The following PFKM variants were observed in gnomAD, a reference collection of about 807,000 sequenced individuals.
The protein encoded by PFKM is ATP-dependent 6-phosphofructokinase, muscle type.
PFKM carries 58 observed loss-of-function variants against 95.5 expected under a neutral mutation model. The observed-to-expected ratio is 0.61, with a 90% CI of 0.49 to 0.76. PFKM has a LOEUF of 0.76. Ranked by LOEUF, PFKM falls within the 30% of genes least tolerant of loss-of-function variation. The probability of loss-of-function intolerance (pLI) is 0.00; values close to 1 mark genes in which losing one functional copy is unlikely to be tolerated. For synonymous variants in PFKM, 336 were observed against 357.2 expected, an observed-to-expected ratio of 0.94 and a Z score of 0.67; for missense variants, 678 against 1,005.4, an observed-to-expected ratio of 0.67 and a Z score of 4.40.
intron 2 of PFKM, among the ~76,000 whole-genome samples, chr12:48,128,810 A>AT (rs1949116590): frequency 6.6e-6 from 1 of 152,186 alleles, no homozygotes; most frequent in South Asian, 2.1e-4. Context: ...ACATGAACAG[A>AT]TTTTAGATTA....
intron 14 of PFKM, 125 bp from the exon 15 acceptor site, chr12:48,141,186 C>G (rs1196323455): frequency 2.2e-6 from 2 of 895,134 alleles, no homozygotes; most frequent in Non-Finnish European, 3.8e-6. Flanking sequence ...AAGCTAATAC[C>G]TGGTGTACCT....
At chr12:48,138,098 A>G (rs932419894) in intron 11 of PFKM, among the ~76,000 whole-genome samples, 1 of 152,214 alleles carries the variant, frequency 6.6e-6, no homozygotes, top group Non-Finnish European at 1.5e-5. Flanking sequence ...AATGAAACCC[A>G]GTATCTCATA....
chr12:48,133,807 A>G (rs567663907), intron 6 of PFKM, among the ~76,000 whole-genome samples: 8 of 152,204 alleles, frequency 5.3e-5, no homozygotes, highest in Non-Finnish European at 8.8e-5. Context: ...TTCCAACCAT[A>G]TCATAGAAAG....
upstream of PFKM, chr12:48,105,381 G>C (rs780346614): frequency 5.8e-6 from 3 of 518,896 alleles, no homozygotes; most frequent in Admixed American, 1.9e-5. Context: ...CACCAAGAAA[G>C]AGACGGTTCA....
chr12:48,128,211 C>A (rs1949048682), intron 2 of PFKM, among the ~76,000 whole-genome samples: 1 of 152,136 alleles, frequency 6.6e-6, no homozygotes, highest in Admixed American at 6.6e-5. Context: ...TCTCTGACTT[C>A]CTTCTGGCAG....
chr12:48,142,593 G>T (rs1362920088), intron 17 of PFKM, among the ~76,000 whole-genome samples, 189 bp from the exon 18 acceptor site: 3 of 152,020 alleles, frequency 2.0e-5, no homozygotes, highest in Non-Finnish European at 4.4e-5. Flanking sequence ...TTCTTCCCAG[G>T]AGAGACGTTC....
intron 3 of PFKM, among the ~76,000 whole-genome samples, chr12:48,110,739 G>C (rs188640899): frequency 2.6e-4 from 40 of 152,136 alleles, no homozygotes; most frequent in African/African-American, 8.4e-4. Context: ...TTTCTTTCTT[G>C]TCTCTTACCT....
At chr12:48,113,521 T>C (rs1240225166) in intron 3 of PFKM, among the ~76,000 whole-genome samples, 1 of 152,156 alleles carries the variant, frequency 6.6e-6, no homozygotes, top group Non-Finnish European at 1.5e-5. Context: ...CCCGCACAGA[T>C]GGGACATGGC....
intron 4 of PFKM, 29 bp downstream of exon 4, chr12:48,131,422 A>T (rs952099491): frequency 6.6e-7 from 1 of 1,506,900 alleles, no homozygotes; most frequent in South Asian, 1.1e-5. Flanking sequence ...CCTGTCCCAT[A>T]TTTGCTCTGT....
chr12:48,145,767 G>A lies in PFKM; in HGVS notation c.*59G>A. The A allele has an allele frequency of 6.5e-7, 1 of 1,541,684 alleles. No homozygotes were observed. The highest frequency in any genetic ancestry group is 1.4e-5 in the African/African-American group (1 of 73,812). ...TCATGGTCAGCTCACACCCTAATAA[G>A]TCCACATCTTCTCAGTGTTTTAGCT... On this transcript the variant is annotated 3_prime_UTR_variant, in exon 23 of 23. Transcript: ENST00000359794. The surrounding 1 kb of genome is among the most constrained non-coding windows in gnomAD (Gnocchi z 4.3).
rs2135907037 is a variant in PFKM, at chr12:48,134,244, A to G, written c.606A>G (p.Thr202=). The change falls in exon 7 of 23, where the codon ACA becomes ACG. Residue 202 remains threonine, a synonymous_variant. Transcript: ENST00000359794. ...CTATCTCTTGCAGCCACCAGAGGAC[A>G]TTTGTGTTAGAAGTAATGGGCCGCC... ...ITTTAQSHQR[T]FVLEVMGRHC... 13 of 1,613,950 alleles carry G rather than the reference A, an allele frequency of 8.1e-6. No homozygotes were observed. Among genetic ancestry groups the G allele is most frequent in the African/African-American group, 1.3e-5 (1 of 75,004 alleles).
chr12:48,130,626 A>G (rs887080143), intron 3 of PFKM, among the ~76,000 whole-genome samples, 190 bp downstream of exon 3: 14 of 152,212 alleles, frequency 9.2e-5, no homozygotes, highest in Non-Finnish European at 1.6e-4. Context: ...GGACCTGAGC[A>G]TCTACAAACT....
chr12:48,116,542 A>C (rs1243018895), upstream of PFKM, among the ~76,000 whole-genome samples: 1 of 152,104 alleles, frequency 6.6e-6, no homozygotes, highest in Non-Finnish European at 1.5e-5. Context: ...GTGGTGGCGC[A>C]ATCTCGGCTC....
chr12:48,122,892 G>C, intron 2 of PFKM, 33 bp downstream of exon 2: 1 of 1,599,012 alleles, frequency 6.3e-7, no homozygotes, highest in Non-Finnish European at 8.6e-7. Context: ...CATGGCTGGT[G>C]GGACTTTTGG....
intron 7 of PFKM, 96 bp downstream of exon 7, chr12:48,134,372 AT>A: frequency 1.9e-6 from 2 of 1,031,602 alleles, no homozygotes; most frequent in Non-Finnish European, 3.1e-6. Flanking sequence ...GTAGCAGCAG[AT>A]CTGGAGGTGC....
In PFKM at chr12:48,142,794, A is replaced by G; in HGVS notation, c.1666A>G (p.Ile556Val). The G allele has an allele frequency of 6.2e-7, 1 of 1,614,044 alleles. No individual in the cohort carries two copies. The highest frequency in any genetic ancestry group is 8.5e-7 in the Non-Finnish European group (1 of 1,179,902). The part of the protein sequence containing the change: ...LNTICTTCDR[I>V]KQSAAGTKRR... ...ATTGTCCTTGCAGACCTGTGACCGC[A>G]TCAAGCAGTCAGCAGCTGGCACCAA... Residue 556 changes from isoleucine (I) to valine (V), a missense_variant, in exon 18 of 23, where the codon ATC becomes GTC. Physicochemically the swap from Ile to Val is conservative, Grantham distance 29 (BLOSUM62 3). Coordinates refer to ENST00000359794, the MANE Select transcript of PFKM (RefSeq NM_000289.6).
In PFKM at chr12:48,135,273, C is replaced by T. The variant is rs1415834416; in HGVS notation, c.844-18C>T. On this transcript the variant is annotated intron_variant, in intron 9 of 22. Coordinates refer to ENST00000359794, the MANE Select transcript of PFKM (RefSeq NM_000289.6). ...ACTCTGCGTAACCCTCTCTCTGTCCCTCTGTTGGTCCCTTCAGCTGGTGGT... is the reference window on the plus strand; with the variant it reads ...ACTCTGCGTAACCCTCTCTCTGTCCTTCTGTTGGTCCCTTCAGCTGGTGGT... 6.2e-7 allele frequency: 1 copy of T among 1,602,486 alleles called. No individual in the cohort carries two copies. Among genetic ancestry groups the T allele is most frequent in the African/African-American group, 1.3e-5 (1 of 74,704 alleles).
In PFKM at chr12:48,130,314, CT is replaced by C. The variant is rs780547679; in HGVS notation, c.86-45del. ...GTAATATCTCTGGATTCCAGGGCGCCTTTTCTTAGGAGCAACCTCTCCGTGA... is the reference window on the plus strand; with the variant it reads ...GTAATATCTCTGGATTCCAGGGCGCCTTTCTTAGGAGCAACCTCTCCGTGA... On this transcript the variant is annotated intron_variant, in intron 2 of 22. Transcript: ENST00000359794. 30 of 1,367,904 alleles carry C rather than the reference CT, an allele frequency of 2.2e-5. No homozygotes were observed. The African/African-American group carries it at 4.1e-4, about 19-fold the overall frequency. The allele number at this position is 1,367,904 out of a possible 1,614,324, so 84.7% of individuals were successfully genotyped here.
In PFKM at chr12:48,106,706, GCAAA is replaced by G. The variant is rs60225572; in HGVS notation, c.-10+585_-10+588del. 5.2e-3 allele frequency among the ~76,000 whole-genome samples: 790 copies of G among 151,152 alleles called. 5 individuals are homozygous for G. Among genetic ancestry groups the G allele is most frequent in the African/African-American group, 0.017 (691 of 41,124 alleles). On this transcript the variant is annotated intron_variant, in intron 1 of 24. Transcript: ENST00000340802. ...TCATACTTGATTGACCATTCAGCAA[GCAAA>G]CAAACAAACAAACAAGCAACTTGAG...
Sources: gnomAD v4.1 joint callset for allele counts (sites outside exome capture counted in the v4.1 genomes callset) on GRCh38, gnomAD v4.1.1 for gene constraint, Gnocchi (gnomAD v3.1) non-coding constraint, MANE v1.5 for transcripts, NCBI Gene and HGNC (gene_info 2026-07-23, HGNC 2026-07-21) for gene names.